STXBP5L: variants seen among roughly 807,000 people sequenced by gnomAD.
STXBP5L encodes syntaxin-binding protein 5-like.
Under a neutral mutation model 144.5 loss-of-function variants are expected in STXBP5L, and 65 were observed. That is an observed-to-expected ratio of 0.45 (90% CI 0.37 to 0.55). The LOEUF (loss-of-function observed/expected upper bound fraction) is 0.55. Ranked by LOEUF, STXBP5L falls within the 20% of genes least tolerant of loss-of-function variation. STXBP5L has a pLI of 0.00. For missense variants in STXBP5L, 1,298 were observed against 1,405.5 expected (o/e 0.92, Z 1.22); for synonymous variants, 505 against 469.6 (o/e 1.08, Z -0.97).
At chr3:121,357,074 TA>T in intron 20 of STXBP5L, 1 of 179,786 alleles carries the variant, frequency 5.6e-6, no homozygotes, top group Non-Finnish European at 1.2e-5. Flanking sequence ...TTGGCCTGAA[TA>T]ATCACAAAAT....
At chr3:121,061,137 C>T (rs980419904) in intron 5 of STXBP5L, among the ~76,000 whole-genome samples, 3 of 152,160 alleles carry the variant, frequency 2.0e-5, no homozygotes, top group Non-Finnish European at 2.9e-5. Flanking sequence ...CTAAACACTG[C>T]TTTAGCTGTG....
intron 22 of STXBP5L, among the ~76,000 whole-genome samples, chr3:121,403,244 C>A (rs916864985): frequency 6.6e-6 from 1 of 152,148 alleles, no homozygotes; most frequent in African/African-American, 2.4e-5. Flanking sequence ...TATCTCCTGG[C>A]CTATCCTAAA....
At chr3:121,333,423 G>T (rs1439196933) in intron 20 of STXBP5L, among the ~76,000 whole-genome samples, 3 of 151,824 alleles carry the variant, frequency 2.0e-5, no homozygotes. Context: ...TCAAAAAGTT[G>T]GAAAGATCTC....
intron 7 of STXBP5L, among the ~76,000 whole-genome samples, chr3:121,138,410 C>G (rs1000784847): frequency 3.4e-4 from 51 of 152,098 alleles, no homozygotes; most frequent in African/African-American, 1.2e-3. Context: ...AAAAACACCA[C>G]AAAGTTTGTA....
intron 2 of STXBP5L, among the ~76,000 whole-genome samples, chr3:120,919,124 A>G (rs569048700): frequency 6.6e-6 from 1 of 152,272 alleles, no homozygotes; most frequent in East Asian, 1.9e-4. Flanking sequence ...AGTATGTGTC[A>G]AAGTGAATAA....
chr3:121,293,677 T>C (rs767755382), intron 19 of STXBP5L, among the ~76,000 whole-genome samples: 1 of 152,118 alleles, frequency 6.6e-6, no homozygotes, highest in Non-Finnish European at 1.5e-5. Context: ...CTGGCCAATA[T>C]GGCGAAACCC....
chr3:121,389,086 C>T (rs2046505919), intron 22 of STXBP5L, among the ~76,000 whole-genome samples: 1 of 152,148 alleles, frequency 6.6e-6, no homozygotes, highest in South Asian at 2.1e-4. Context: ...TTGGTCTATT[C>T]AGAGATTCAA....
At chr3:121,039,755 T>G (rs1298373712) in intron 3 of STXBP5L, among the ~76,000 whole-genome samples, 1 of 151,228 alleles carries the variant, frequency 6.6e-6, no homozygotes, top group Non-Finnish European at 1.5e-5. Flanking sequence ...CTCTTTCTCT[T>G]TTTTATTACT....
At chr3:120,973,383 A>AT (rs1329632883) in intron 3 of STXBP5L, among the ~76,000 whole-genome samples, 85 of 149,798 alleles carry the variant, frequency 5.7e-4, no homozygotes, top group African/African-American at 1.2e-3. Context: ...GTCTCTGGTG[A>AT]TTTTTTTTTG....
intron 10 of STXBP5L, among the ~76,000 whole-genome samples, chr3:121,216,207 C>T (rs941178584): frequency 1.3e-5 from 2 of 152,198 alleles, no homozygotes; most frequent in Non-Finnish European, 2.9e-5. Flanking sequence ...TCATCAAACT[C>T]ATTCTCCATC....
chr3:120,917,686 T>C (rs943012609), intron 2 of STXBP5L, among the ~76,000 whole-genome samples: 4 of 152,074 alleles, frequency 2.6e-5, no homozygotes, highest in Non-Finnish European at 5.9e-5. Flanking sequence ...CTGGGCAACA[T>C]AGCAAGACCC....
At chr3:121,166,689 G>A (rs12638006) in intron 9 of STXBP5L, among the ~76,000 whole-genome samples, 15,201 of 152,104 alleles carry the variant, frequency 0.1, 1,189 homozygotes, top group Admixed American at 0.2. Flanking sequence ...TCCTTTTAGT[G>A]TAATGATATT....
chr3:121,314,054 G>T (rs1219501530), intron 19 of STXBP5L, among the ~76,000 whole-genome samples: 1 of 150,676 alleles, frequency 6.6e-6, no homozygotes, highest in Non-Finnish European at 1.5e-5. Context: ...CGGGGAAGAG[G>T]CGCTCCTCGC....
At chr3:121,132,849 A>T (rs1360541160) in intron 7 of STXBP5L, among the ~76,000 whole-genome samples, 1 of 152,140 alleles carries the variant, frequency 6.6e-6, no homozygotes, top group African/African-American at 2.4e-5. Flanking sequence ...CTGAAAAAAA[A>T]ATCACTAGAG....
At chr3:121,406,986 T>C (rs1171208644) in intron 22 of STXBP5L, among the ~76,000 whole-genome samples, 1 of 152,006 alleles carries the variant, frequency 6.6e-6, no homozygotes, top group African/African-American at 2.4e-5. Context: ...ACTTTCATAA[T>C]CTTTCTGGGT....
intron 7 of STXBP5L, among the ~76,000 whole-genome samples, chr3:121,129,667 A>G (rs1198780875): frequency 2.0e-5 from 3 of 152,124 alleles, no homozygotes; most frequent in Admixed American, 1.3e-4. Context: ...ATCTTTCTCC[A>G]GGACTATGTT....
intron 3 of STXBP5L, among the ~76,000 whole-genome samples, chr3:120,979,581 C>T (rs778485214): frequency 6.6e-6 from 1 of 152,132 alleles, no homozygotes; most frequent in Non-Finnish European, 1.5e-5. Context: ...TCTGGCACTC[C>T]CTAGTGAGAT....
At chr3:121,211,501 G>A (rs1231453678) in intron 10 of STXBP5L, among the ~76,000 whole-genome samples, 2 of 151,474 alleles carry the variant, frequency 1.3e-5, no homozygotes, top group Admixed American at 1.3e-4. Context: ...TCCCTGTCTT[G>A]TGCCAGTTTT....
At chr3:121,031,341 AC>A (rs1336352217) in intron 3 of STXBP5L, among the ~76,000 whole-genome samples, 1 of 152,064 alleles carries the variant, frequency 6.6e-6, no homozygotes, top group East Asian at 1.9e-4. Flanking sequence ...CCTATTGGCA[AC>A]CAATAGGATG....
Sources: gnomAD v4.1 joint callset for allele counts (sites outside exome capture counted in the v4.1 genomes callset) on GRCh38, gnomAD v4.1.1 for gene constraint, MANE v1.5 for transcripts, NCBI Gene and HGNC (gene_info 2026-07-23, HGNC 2026-07-21) for gene names.